Variants in LHFPL3 observed in about 807,000 individuals in gnomAD.
LHFPL3 encodes the protein LHFPL tetraspan subfamily member 3 protein.
A neutral mutation model predicts 19.3 loss-of-function variants in LHFPL3; 5 were observed. The observed-to-expected ratio is 0.26, with a 90% CI of 0.14 to 0.54. The LOEUF (loss-of-function observed/expected upper bound fraction) is 0.54, where lower values mean the gene tolerates loss of function less well. LHFPL3 is among the 20% of genes least tolerant of loss of function. The pLI, the probability that LHFPL3 is intolerant of heterozygous loss-of-function variation, is 0.94. For missense variants in LHFPL3, 249 were observed against 307.4 expected (o/e 0.81, Z 1.42); for synonymous variants, 133 against 126.2 (o/e 1.05, Z -0.36).
rs55763025 is a variant in LHFPL3 at position 104,715,868 on chromosome 7, C to G, written c.446-20807C>G. Among the ~76,000 whole-genome samples, 970 of 152,276 alleles carry G rather than the reference C, an allele frequency of 6.4e-3. 5 individuals carry two copies. Among genetic ancestry groups the G allele is most frequent in the Non-Finnish European group, 9.6e-3 (653 of 68,024 alleles). On this transcript the variant is annotated intron_variant, in intron 1 of 2. Transcript: ENST00000424859. Reference sequence around the variant, plus strand: ...CTACAGTTTTCTTTCCTTGTGGTGTCTTTGCCTGGCTTTGGCGTCAGAGTA... The same window carrying G: ...CTACAGTTTTCTTTCCTTGTGGTGTGTTTGCCTGGCTTTGGCGTCAGAGTA...
intron 1 of LHFPL3, among the ~76,000 whole-genome samples, chr7:104,384,981 CA>C (rs1456319055): frequency 6.6e-6 from 1 of 151,920 alleles, no homozygotes; most frequent in Non-Finnish European, 1.5e-5. Flanking sequence ...TTATATTTTA[CA>C]GTAAGGAATC....
intron 2 of LHFPL3, chr7:104,804,192 G>A (rs1790309476): frequency 6.6e-6 from 1 of 152,202 alleles, no homozygotes; most frequent in South Asian, 2.1e-4. Context: ...GGTCACATGT[G>A]CATCTGTAAA....
rs1037885369 is a variant in LHFPL3 at position 104,484,082 on chromosome 7, C to T, written c.445+154858C>T. Among the ~76,000 whole-genome samples the T allele has an allele frequency of 1.5e-4, 22 of 150,842 alleles. 1 individual carries two copies. The highest frequency in any genetic ancestry group is 5.1e-4 in the African/African-American group (21 of 40,824). On this transcript the variant is annotated intron_variant, in intron 1 of 2. Coordinates refer to ENST00000424859, the MANE Select transcript of LHFPL3 (RefSeq NM_199000.3). ...TTCCTGGGGATTTGCATTTTTAATT[C>T]CTTTCCCTTTCTTCCTCTTAAATGA... is the stretch of plus-strand genomic sequence containing the variant.
intron 1 of LHFPL3, among the ~76,000 whole-genome samples, chr7:104,412,791 C>T (rs905624033): frequency 8.5e-5 from 13 of 152,068 alleles, no homozygotes; most frequent in Non-Finnish European, 1.8e-4. Flanking sequence ...TCTCACAGAT[C>T]GTTGAGATCC....
intron 1 of LHFPL3, among the ~76,000 whole-genome samples, chr7:104,496,811 C>T (rs1793492217): frequency 6.6e-6 from 1 of 152,182 alleles, no homozygotes; most frequent in South Asian, 2.1e-4. Flanking sequence ...AGGAGCACTG[C>T]ACTTCCTGTG....
chr7:104,805,057 T>A (rs551222922), intron 2 of LHFPL3, among the ~76,000 whole-genome samples: 13 of 152,310 alleles, frequency 8.5e-5, no homozygotes, highest in African/African-American at 3.1e-4. Flanking sequence ...GCCAGAGGGC[T>A]CCCCTCAGGG....
intron 2 of LHFPL3, among the ~76,000 whole-genome samples, chr7:104,757,247 T>C (rs1196108571): frequency 2.6e-5 from 4 of 152,144 alleles, no homozygotes; most frequent in African/African-American, 9.7e-5. Flanking sequence ...CCTCAAACTA[T>C]AAAATCTTAA....
intron 2 of LHFPL3, among the ~76,000 whole-genome samples, chr7:104,894,008 C>A (rs1451612213): frequency 6.6e-6 from 1 of 151,580 alleles, no homozygotes; most frequent in East Asian, 1.9e-4. Flanking sequence ...GGTATTAATA[C>A]AGATGCCAGT....
intron 1 of LHFPL3, among the ~76,000 whole-genome samples, chr7:104,716,337 A>G (rs142383478): frequency 0.012 from 1,843 of 151,970 alleles, 35 homozygotes; most frequent in African/African-American, 0.042. Flanking sequence ...GCGAGACTCC[A>G]TCTCCAAAAA....
At chr7:104,722,473 TA>T (rs1245431191) in intron 1 of LHFPL3, among the ~76,000 whole-genome samples, 4 of 152,212 alleles carry the variant, frequency 2.6e-5, no homozygotes, top group Admixed American at 6.5e-5. Flanking sequence ...ACACTGTGTT[TA>T]AAGCCAAAAT....
chr7:104,880,672 A>G (rs979606409), intron 2 of LHFPL3, among the ~76,000 whole-genome samples: 2 of 138,716 alleles, frequency 1.4e-5, no homozygotes, highest in South Asian at 2.2e-4. Context: ...TACTGCTGAG[A>G]AAAAAAAAAA....
chr7:104,622,084 A>C (rs765971637), intron 1 of LHFPL3, among the ~76,000 whole-genome samples: 2 of 152,176 alleles, frequency 1.3e-5, no homozygotes, highest in African/African-American at 4.8e-5. Context: ...TGGCTGCAAC[A>C]ATATCCCCCC....
At chr7:104,775,764 C>T (rs1794626917) in intron 2 of LHFPL3, among the ~76,000 whole-genome samples, 1 of 152,110 alleles carries the variant, frequency 6.6e-6, no homozygotes, top group African/African-American at 2.4e-5. Context: ...CTTCTGAATA[C>T]ACCCAACAAC....
At chr7:104,483,848 AC>A (rs1793185553) in intron 1 of LHFPL3, among the ~76,000 whole-genome samples, 1 of 151,820 alleles carries the variant, frequency 6.6e-6, no homozygotes, top group South Asian at 2.1e-4. Context: ...CTTGTCTGAA[AC>A]TCCTGGTTCA....
At chr7:104,782,505 C>T (rs1789828292) in intron 2 of LHFPL3, among the ~76,000 whole-genome samples, 1 of 152,198 alleles carries the variant, frequency 6.6e-6, no homozygotes. Flanking sequence ...TTCTTCTCTT[C>T]AACAAAAAGA....
rs1197469299 is a variant in LHFPL3 at position 104,328,850 on chromosome 7, T to A, written c.71T>A (p.Leu24Gln). 4 of 1,614,038 alleles carry A rather than the reference T, an allele frequency of 2.5e-6. No individual in the cohort carries two copies. Among genetic ancestry groups the A allele is most frequent in the Non-Finnish European group, 3.4e-6 (4 of 1,180,024 alleles). ...CTCCCGGCTCAGGAGGCTGCCAAGC[T>A]GTACCACACCAACTATGTGCGGAAC... ...AMLPAQEAAK[L>Q]YHTNYVRNSR... Residue 24 changes from leucine (L) to glutamine (Q), a missense_variant, in exon 1 of 3, where the codon CTG (leucine) becomes CAG (glutamine). Physicochemically the swap from Leu to Gln is moderately radical, Grantham distance 113. Transcript: ENST00000424859. This position sits in a 1 kb window ranked among gnomAD's most constrained non-coding sequence, Gnocchi z 4.6.
chr7:104,540,684 A>G (rs1198470865), intron 1 of LHFPL3, among the ~76,000 whole-genome samples: 1 of 152,218 alleles, frequency 6.6e-6, no homozygotes, highest in Admixed American at 6.5e-5. Flanking sequence ...ATAGTAAGTC[A>G]TATTTAACCA....
At chr7:104,454,920 CTGTCT>C (rs1174268171) in intron 1 of LHFPL3, among the ~76,000 whole-genome samples, 1 of 152,144 alleles carries the variant, frequency 6.6e-6, no homozygotes, top group Non-Finnish European at 1.5e-5. Context: ...TTTGTTACCA[CTGTCT>C]TGTCTGTACT....
At chr7:104,905,740 G>A (rs909730161) in intron 2 of LHFPL3, among the ~76,000 whole-genome samples, 3 of 152,186 alleles carry the variant, frequency 2.0e-5, no homozygotes, top group Non-Finnish European at 4.4e-5. Context: ...GAAGAAAACA[G>A]TTGTGTCCAA....
Sources: allele counts gnomAD v4.1 joint callset (sites outside exome capture counted in the v4.1 genomes callset), GRCh38; gene constraint gnomAD v4.1.1; non-coding constraint Gnocchi (gnomAD v3.1); transcripts MANE v1.5; gene names NCBI Gene and HGNC (gene_info 2026-07-23, HGNC 2026-07-21).